The following LURAP1 variants were observed in gnomAD, a reference collection of about 807,000 sequenced individuals.
LURAP1 encodes the protein leucine rich adaptor protein 1, also known as NF-kappa-B activator C1orf190.
In LURAP1, 14 loss-of-function variants were observed where a neutral mutation model predicts 19.0. The ratio of observed to expected loss-of-function variants is 0.74; its 90% CI spans 0.49 to 1.15. The LOEUF (loss-of-function observed/expected upper bound fraction) is 1.15, where lower values mean the gene tolerates loss of function less well. Among genes scored for constraint, LURAP1 ranks in the 50% most tolerant of loss-of-function variants. The pLI is 0.00. For synonymous variants in LURAP1, 129 were observed against 131.8 expected, an observed-to-expected ratio of 0.98 and a Z score of 0.14; for missense variants, 273 against 309.1, an observed-to-expected ratio of 0.88 and a Z score of 0.87.
chr1:46,217,672 C>G (rs1055201927), intron 1 of LURAP1, among the ~76,000 whole-genome samples: 32 of 152,042 alleles, frequency 2.1e-4, no homozygotes, highest in African/African-American at 7.2e-4. Context: ...GCCTGGCTAA[C>G]CTGGTGATGC....
At chr1:46,205,448 A>G (rs747710001) in intron 1 of LURAP1, among the ~76,000 whole-genome samples, 41 of 152,332 alleles carry the variant, frequency 2.7e-4, no homozygotes, top group Non-Finnish European at 3.7e-4. Flanking sequence ...TTTGTGCCAG[A>G]TAGTCTGAAC....
chr1:46,218,936 G>A (rs914769702), intron 1 of LURAP1, among the ~76,000 whole-genome samples: 15 of 152,102 alleles, frequency 9.9e-5, no homozygotes, highest in Middle Eastern at 3.4e-3. Context: ...TCTACTTCCT[G>A]ATTAACACCC....
rs1659223417 is a variant in LURAP1 at position 46,220,984 on chromosome 1, G to A, written c.*764G>A. On this transcript the variant is annotated 3_prime_UTR_variant, in exon 2 of 2. Transcript: ENST00000371980. ...CCTCTATGGATTGGCCCTCCCAGAA[G>A]CGTTTGGGCTGGTAGACCCACCCCT... 1 of 152,250 alleles carries A rather than the reference G, an allele frequency of 6.6e-6. No individual in the cohort carries two copies. Among genetic ancestry groups the A allele is most frequent in the African/African-American group, 2.4e-5 (1 of 41,460 alleles). 9.4% of individuals were successfully genotyped at this position (152,250 alleles called of 1,614,324 possible).
chr1:46,204,982 G>T (rs1658665454), intron 1 of LURAP1, among the ~76,000 whole-genome samples: 1 of 152,078 alleles, frequency 6.6e-6, no homozygotes, highest in Admixed American at 6.6e-5. Flanking sequence ...CACAGGGTGG[G>T]CATGGTGGCT....
chr1:46,205,148 C>T (rs966338275), intron 1 of LURAP1, among the ~76,000 whole-genome samples: 4 of 152,024 alleles, frequency 2.6e-5, no homozygotes, highest in African/African-American at 9.7e-5. Context: ...GTCCTAGCTA[C>T]TCTGGAGGCA....
chr1:46,206,018 C>T (rs1658703981), intron 1 of LURAP1, among the ~76,000 whole-genome samples: 2 of 152,234 alleles, frequency 1.3e-5, no homozygotes, highest in African/African-American at 4.8e-5. Flanking sequence ...TCTTCCTCTA[C>T]CCTCCATTCA....
intron 1 of LURAP1, among the ~76,000 whole-genome samples, chr1:46,205,764 C>G (rs1445099101): frequency 6.6e-6 from 1 of 152,200 alleles, no homozygotes; most frequent in East Asian, 1.9e-4. Context: ...TTTCTCCTTC[C>G]TCAGGCCAGG....
At chr1:46,213,846 A>C (rs1419900499) in intron 1 of LURAP1, among the ~76,000 whole-genome samples, 1 of 151,982 alleles carries the variant, frequency 6.6e-6, no homozygotes, top group East Asian at 1.9e-4. Flanking sequence ...TATGGGGAAT[A>C]TGATTAACTC....
intron 1 of LURAP1, among the ~76,000 whole-genome samples, chr1:46,213,073 A>G (rs370112267): frequency 6.6e-6 from 1 of 152,244 alleles, no homozygotes; most frequent in African/African-American, 2.4e-5. Context: ...GATAGACTAC[A>G]TATGTCAAAT....
intron 1 of LURAP1, among the ~76,000 whole-genome samples, chr1:46,211,357 C>G (rs1037903054): frequency 6.6e-6 from 1 of 151,766 alleles, no homozygotes; most frequent in Non-Finnish European, 1.5e-5. Context: ...TTCCTGAAGC[C>G]TATTTCTGAG....
intron 1 of LURAP1, among the ~76,000 whole-genome samples, chr1:46,214,351 GAAA>G (rs57471712): frequency 4.7e-5 from 6 of 127,490 alleles, no homozygotes; most frequent in Admixed American, 7.6e-5. Context: ...GTCTCAAAAA[GAAA>G]AAAAAAAAGG....
intron 1 of LURAP1, among the ~76,000 whole-genome samples, chr1:46,215,656 T>C (rs1237649121): frequency 6.6e-6 from 1 of 152,230 alleles, no homozygotes; most frequent in Non-Finnish European, 1.5e-5. Context: ...CCCAGCACTC[T>C]GGGAGGCCAA....
In LURAP1 at chr1:46,219,969, G is replaced by T. The variant is rs771125500; in HGVS notation, c.469G>T (p.Asp157Tyr). 1 of 1,614,278 alleles carries T rather than the reference G, an allele frequency of 6.2e-7. No homozygotes were observed. Among genetic ancestry groups the T allele is most frequent in the Non-Finnish European group, 8.5e-7 (1 of 1,180,052 alleles). ...FLDTVAPSEL[D>Y]EQGPPGAPRS... ...GGACACAGTGGCCCCCAGCGAGCTG[G>T]ATGAACAGGGCCCACCTGGGGCTCC... The change falls in exon 2 of 2, where the codon GAT (aspartate) becomes TAT (tyrosine). Residue 157 changes from aspartate (D) to tyrosine (Y), a missense_variant. By Grantham distance (160) the Asp-to-Tyr change is radical. Coordinates refer to ENST00000371980, the MANE Select transcript of LURAP1 (RefSeq NM_001013615.3).
At chr1:46,207,267 G>A (rs1658745719) in intron 1 of LURAP1, among the ~76,000 whole-genome samples, 1 of 152,026 alleles carries the variant, frequency 6.6e-6, no homozygotes, top group South Asian at 2.1e-4. Context: ...TTTTAGTAGA[G>A]ACGGGATTTT....
At chr1:46,206,880 G>A (rs2148238129) in intron 1 of LURAP1, among the ~76,000 whole-genome samples, 1 of 152,298 alleles carries the variant, frequency 6.6e-6, no homozygotes, top group South Asian at 2.1e-4. Flanking sequence ...TCTGGTTAGG[G>A]AAGGAGGAGA....
chr1:46,209,161 A>C (rs925384740), intron 1 of LURAP1, among the ~76,000 whole-genome samples: 1 of 152,024 alleles, frequency 6.6e-6, no homozygotes, highest in Non-Finnish European at 1.5e-5. Context: ...AGTAGCTGGG[A>C]TTACAGGCAT....
At chr1:46,209,172 G>A (rs1658814318) in intron 1 of LURAP1, among the ~76,000 whole-genome samples, 1 of 152,100 alleles carries the variant, frequency 6.6e-6, no homozygotes, top group Non-Finnish European at 1.5e-5. Context: ...TTACAGGCAT[G>A]TGACACCATG....
At chr1:46,205,726 A>G (rs903335196) in intron 1 of LURAP1, among the ~76,000 whole-genome samples, 16 of 152,246 alleles carry the variant, frequency 1.1e-4, no homozygotes, top group African/African-American at 3.4e-4. Context: ...TTCTGGGGCC[A>G]GAATGAGGAG....
At chr1:46,213,514 TAGATTAAA>T (rs1658969439) in intron 1 of LURAP1, among the ~76,000 whole-genome samples, 1 of 151,904 alleles carries the variant, frequency 6.6e-6, no homozygotes, top group Non-Finnish European at 1.5e-5. Context: ...AGAAGGTCTC[TAGATTAAA>T]AGACACTGAG....
Sources: allele counts gnomAD v4.1 joint callset (sites outside exome capture counted in the v4.1 genomes callset), GRCh38; gene constraint gnomAD v4.1.1; transcripts MANE v1.5; gene names NCBI Gene and HGNC (gene_info 2026-07-23, HGNC 2026-07-21).